Variants in BLTP3A observed in about 807,000 individuals in gnomAD.
The protein encoded by BLTP3A is bridge-like lipid transfer protein family member 3A.
the BLTP3A span, among the ~76,000 whole-genome samples, chr6:34,815,511 A>T: frequency 1.6e-4 from 24 of 150,736 alleles, no homozygotes; most frequent in African/African-American, 5.1e-4. Context: ...TGGCTTCCCA[A>T]AGTGCTGGGA....
chr6:34,839,728 G>A, the BLTP3A span, among the ~76,000 whole-genome samples: 1 of 152,196 alleles, frequency 6.6e-6, no homozygotes, highest in Admixed American at 6.5e-5. Context: ...GCACTGGCCC[G>A]GCTGCTTGTC....
chr6:34,832,497 G>T, the BLTP3A span, among the ~76,000 whole-genome samples: 1 of 150,066 alleles, frequency 6.7e-6, no homozygotes, highest in Non-Finnish European at 1.5e-5. Context: ...GTGCAGTGGC[G>T]CAATCTTGGC....
At chr6:34,856,688 C>A in the BLTP3A span, 1 of 1,451,402 alleles carries the variant, frequency 6.9e-7, no homozygotes, top group Non-Finnish European at 9.3e-7. Flanking sequence ...GCTCTCTTTC[C>A]TACATATAAC....
chr6:34,842,503 G>A, the BLTP3A span, among the ~76,000 whole-genome samples: 1 of 151,930 alleles, frequency 6.6e-6, no homozygotes, highest in Admixed American at 6.6e-5. Context: ...AATTGGTTTC[G>A]GGGGTGCAGT....
chr6:34,835,701 C>T, the BLTP3A span, among the ~76,000 whole-genome samples: 1 of 152,136 alleles, frequency 6.6e-6, no homozygotes. Flanking sequence ...ACCTCTTGTT[C>T]CTGTCCTTGG....
At chr6:34,793,350 C>G in the BLTP3A span, among the ~76,000 whole-genome samples, 20 of 152,132 alleles carry the variant, frequency 1.3e-4, no homozygotes, top group Admixed American at 1.2e-3. Flanking sequence ...GAGAGTGACC[C>G]AGGGCTTGGC....
the BLTP3A span, among the ~76,000 whole-genome samples, chr6:34,808,369 A>AAAAG: frequency 6.6e-6 from 1 of 150,780 alleles, no homozygotes; most frequent in Non-Finnish European, 1.5e-5. Context: ...AAAAAAAAAA[A>AAAAG]AGAATAGAAA....
the BLTP3A span, among the ~76,000 whole-genome samples, chr6:34,812,165 C>G: frequency 1.3e-4 from 20 of 151,898 alleles, no homozygotes; most frequent in African/African-American, 2.2e-4. Flanking sequence ...CCCATGTCTA[C>G]TAAAAATACA....
chr6:34,812,328 TA>T, the BLTP3A span, among the ~76,000 whole-genome samples: 129 of 140,502 alleles, frequency 9.2e-4, no homozygotes, highest in Non-Finnish European at 1.0e-3. Context: ...AACTCCGTCT[TA>T]AAAAAAAAAA....
chr6:34,857,546 A>G, the BLTP3A span: 1 of 1,556,326 alleles, frequency 6.4e-7, no homozygotes. Flanking sequence ...CACTACGTAT[A>G]TTTTTATTTG....
At chr6:34,871,070 T>C in the BLTP3A span, 7 of 1,613,996 alleles carry the variant, frequency 4.3e-6, no homozygotes, top group South Asian at 7.7e-5. Flanking sequence ...ATCCCGGTGG[T>C]AGTCCCCATG....
At chr6:34,822,395 TG>T in the BLTP3A span, among the ~76,000 whole-genome samples, 2 of 151,982 alleles carry the variant, frequency 1.3e-5, no homozygotes, top group African/African-American at 4.8e-5. Flanking sequence ...TGTACCACCA[TG>T]CCCAGCTAAT....
chr6:34,802,848 G>A, the BLTP3A span, among the ~76,000 whole-genome samples: 13 of 152,168 alleles, frequency 8.5e-5, no homozygotes, highest in East Asian at 2.5e-3. Context: ...GAAATCATGT[G>A]CGTAAGTAAG....
At chr6:34,805,735 C>CA in the BLTP3A span, among the ~76,000 whole-genome samples, 2,855 of 73,268 alleles carry the variant, frequency 0.039, 126 homozygotes, top group East Asian at 0.18. Context: ...GACCCTATCT[C>CA]AAAAAAAAAA....
At chr6:34,864,331 AAG>A in the BLTP3A span, 9 of 974,160 alleles carry the variant, frequency 9.2e-6, no homozygotes, top group African/African-American at 9.8e-5. Flanking sequence ...AAGACAAAAA[AAG>A]AGAGACAGAG....
At chr6:34,808,278 G>A in the BLTP3A span, among the ~76,000 whole-genome samples, 4 of 144,516 alleles carry the variant, frequency 2.8e-5, no homozygotes, top group Non-Finnish European at 4.5e-5. Context: ...TCTGGGAGGC[G>A]GAGGTTGCAG....
the BLTP3A span, among the ~76,000 whole-genome samples, chr6:34,833,920 CAAAAAAAAA>C: frequency 2.2e-3 from 98 of 45,066 alleles, no homozygotes; most frequent in Non-Finnish European, 3.2e-3. Context: ...GACTCCGTCT[CAAAAAAAAA>C]AAAAAAAAAA....
At chr6:34,836,478 C>T in the BLTP3A span, 1 of 829,668 alleles carries the variant, frequency 1.2e-6, no homozygotes, top group Non-Finnish European at 1.9e-6. Context: ...TAATCACAGG[C>T]ATTCCTTGGG....
At chr6:34,863,021 A>T in the BLTP3A span, among the ~76,000 whole-genome samples, 1 of 151,616 alleles carries the variant, frequency 6.6e-6, no homozygotes, top group South Asian at 2.1e-4. Flanking sequence ...TGATCCTCTC[A>T]TCTCAGCCCC....
Sources: gnomAD v4.1 joint callset for allele counts (sites outside exome capture counted in the v4.1 genomes callset) on GRCh38, gnomAD v4.1.1 for gene constraint, MANE v1.5 for transcripts, NCBI Gene and HGNC (gene_info 2026-07-23, HGNC 2026-07-21) for gene names.